Variants in MOBP observed in about 807,000 individuals in gnomAD.
MOBP encodes the protein myelin associated oligodendrocyte basic protein.
A neutral mutation model predicts 15.0 loss-of-function variants in MOBP; 5 were observed. The ratio of observed to expected loss-of-function variants is 0.33; its 90% CI spans 0.17 to 0.70. The LOEUF (loss-of-function observed/expected upper bound fraction) is 0.70. Among genes scored for constraint, MOBP ranks in the 30% least tolerant of loss-of-function variants. The pLI, the probability that MOBP is intolerant of heterozygous loss-of-function variation, is 0.67. For synonymous variants in MOBP, 88 were observed against 99.0 expected (o/e 0.89, Z 0.66); for missense variants, 188 against 257.8 (o/e 0.73, Z 1.85).
intron 2 of MOBP, among the ~76,000 whole-genome samples, chr3:39,491,795 G>C (rs953536387): frequency 5.3e-5 from 8 of 152,212 alleles, no homozygotes; most frequent in African/African-American, 1.2e-4. Context: ...AAGCAAGAGA[G>C]AGAGAGGAAG....
chr3:39,471,065 G>T (rs2042462572), intron 1 of MOBP, among the ~76,000 whole-genome samples: 1 of 151,998 alleles, frequency 6.6e-6, no homozygotes, highest in Non-Finnish European at 1.5e-5. Flanking sequence ...ATCAACCCAT[G>T]CATTAAATGT....
At position 39,502,179 on chromosome 3, in the gene MOBP, A is replaced by G; in HGVS notation, c.110A>G (p.Lys37Arg). The G allele has an allele frequency of 6.2e-7, 1 of 1,614,220 alleles. No homozygotes were observed. Among genetic ancestry groups the G allele is most frequent in the Non-Finnish European group, 8.5e-7 (1 of 1,180,038 alleles). The change falls in exon 3 of 4, where the codon AAG becomes AGG. Residue 37 changes from lysine to arginine, a missense_variant. Physicochemically the swap from Lys to Arg is conservative, Grantham distance 26. Coordinates refer to ENST00000684792, the MANE Select transcript of MOBP (RefSeq NM_001393704.1). This position sits in a 1 kb window ranked among gnomAD's most constrained non-coding sequence, Gnocchi z 6.3. Reference protein sequence around the residue: ...CPPFTFLNSKKEIVDRKYSIC... With the variant: ...CPPFTFLNSKREIVDRKYSIC... Reference sequence around the variant, plus strand: ...CCGTTCACCTTCCTCAATTCCAAGAAGGAGATAGTGGATCGGAAATACAGC... The same window carrying G: ...CCGTTCACCTTCCTCAATTCCAAGAGGGAGATAGTGGATCGGAAATACAGC...
At chr3:39,519,823 G>A (rs1575324594), downstream of MOBP, among the ~76,000 whole-genome samples, 1 of 152,250 alleles carries the variant, frequency 6.6e-6, no homozygotes, top group East Asian at 1.9e-4. Flanking sequence ...GGCAGAAAGA[G>A]ACCACAGCCT....
downstream of MOBP, chr3:39,526,013 TC>T (rs566750341): frequency 2.3e-3 from 343 of 152,426 alleles, no homozygotes; most frequent in Non-Finnish European, 4.0e-3. Flanking sequence ...GCCATTACAT[TC>T]CTGGGAATAA....
chr3:39,512,335 A>G lies in MOBP; in HGVS notation c.*-1048A>G, dbSNP rs924068830. ...TCAGCACCTGGGTTTTATATTCAGC[A>G]GTATCTATGGGGAGTTCGAAAACAT... On this transcript the variant is annotated intron_variant, in intron 4 of 4. Coordinates refer to the MOBP transcript ENST00000311042. 8.4e-4 allele frequency among the ~76,000 whole-genome samples: 128 copies of G among 152,206 alleles called. 1 individual carries two copies. The highest frequency in any genetic ancestry group is 2.7e-3 in the African/African-American group (110 of 41,456).
chr3:39,502,546 G>T lies in MOBP; in HGVS notation c.218G>T (p.Arg73Leu), dbSNP rs1157905871. Residue 73 changes from arginine to leucine, a missense_variant, in exon 4 of 4, where the codon CGT becomes CTT. Coordinates refer to ENST00000684792, the MANE Select transcript of MOBP (RefSeq NM_001393704.1). The surrounding 1 kb of genome is among the most constrained non-coding windows in gnomAD (Gnocchi z 6.3). ...CACQKTRTSRRAKSPQRPKQQ... is the reference protein window; with the variant it reads ...CACQKTRTSRLAKSPQRPKQQ... ...TTTGGCCCTCTCAGAACCAGCCGCC[G>T]TGCCAAGTCCCCTCAGAGGCCCAAG... 1 of 1,579,502 alleles carries T rather than the reference G, an allele frequency of 6.3e-7. No homozygotes were observed. The highest frequency in any genetic ancestry group is 2.3e-5 in the East Asian group (1 of 43,746).
chr3:39,508,067 C>G (rs909355889), intron 4 of MOBP, among the ~76,000 whole-genome samples: 1 of 152,176 alleles, frequency 6.6e-6, no homozygotes, highest in African/African-American at 2.4e-5. Context: ...CACTGGAGAA[C>G]AGCACACAGC....
chr3:39,475,027 A>G (rs2042526196), intron 1 of MOBP, among the ~76,000 whole-genome samples: 1 of 152,230 alleles, frequency 6.6e-6, no homozygotes, highest in Non-Finnish European at 1.5e-5. Flanking sequence ...TCTGTCAGGT[A>G]CTAATCCAGG....
intron 2 of MOBP, among the ~76,000 whole-genome samples, chr3:39,487,518 CTTTTTTTTTTTTTTT>C (rs1216386382): frequency 9.8e-6 from 1 of 102,498 alleles, no homozygotes; most frequent in South Asian, 3.3e-4. Flanking sequence ...AATTTTCTTT[CTTTTTTTTTTTTTTT>C]TTTTTTTTGA....
downstream of MOBP, chr3:39,525,717 G>T (rs112096876): frequency 0.011 from 1,673 of 152,922 alleles, 14 homozygotes; most frequent in African/African-American, 0.02. Flanking sequence ...GAGTATGAAG[G>T]AAGAGTGATA....
exon 5 of MOBP, chr3:39,513,846 T>C (rs991041962): frequency 1.7e-5 from 3 of 174,754 alleles, no homozygotes; most frequent in African/African-American, 7.1e-5. Context: ...GCTCAACTTT[T>C]AATTTTTGAC....
intron 3 of MOBP, among the ~76,000 whole-genome samples, chr3:39,521,487 C>G (rs2043266245): frequency 6.6e-6 from 1 of 152,178 alleles, no homozygotes; most frequent in Admixed American, 6.5e-5. Context: ...TTTTGCTCTT[C>G]ACTCTTAATG....
chr3:39,502,488 AGAG>A lies in MOBP; in HGVS notation c.207-43_207-41del, dbSNP rs778528919. ...CTCCTGCCAGCGTCGCTTAAGCAGC[AGAG>A]GAGAGCCCTGGCTCCCGCCTCCAGC... is the stretch of plus-strand genomic sequence containing the variant. On this transcript the variant is annotated intron_variant, in intron 3 of 3. Coordinates refer to ENST00000684792, the MANE Select transcript of MOBP (RefSeq NM_001393704.1). The surrounding 1 kb of genome is among the most constrained non-coding windows in gnomAD (Gnocchi z 6.3). 1.4e-5 allele frequency: 22 copies of A among 1,546,946 alleles called. No individual in the cohort carries two copies. The African/African-American group carries it at 2.6e-4, about 18-fold the overall frequency.
At chr3:39,513,274 C>A in intron 4 of MOBP, 1 of 920,316 alleles carries the variant, frequency 1.1e-6, no homozygotes, top group Non-Finnish European at 1.6e-6. Context: ...AGAATAACCT[C>A]AAAGGTAGTC....
intron 2 of MOBP, among the ~76,000 whole-genome samples, chr3:39,490,959 A>G (rs923167340): frequency 5.3e-5 from 8 of 152,196 alleles, no homozygotes; most frequent in African/African-American, 1.9e-4. Flanking sequence ...ATTAGGAAAA[A>G]GGAAAGGGAA....
intron 2 of MOBP, among the ~76,000 whole-genome samples, chr3:39,488,214 T>C (rs2042744706): frequency 6.6e-6 from 1 of 152,228 alleles, no homozygotes; most frequent in Non-Finnish European, 1.5e-5. Context: ...CTCATTTTTA[T>C]GTCAAATACA....
chr3:39,520,344 CTTACTA>C (rs2043250400), downstream of MOBP, among the ~76,000 whole-genome samples: 1 of 152,194 alleles, frequency 6.6e-6, no homozygotes, highest in South Asian at 2.1e-4. Flanking sequence ...ACAATTTTAA[CTTACTA>C]TTGCTTGCAT....
In MOBP at chr3:39,502,352, C is replaced by T. The variant is rs1326510663; in HGVS notation, c.206+77C>T. On this transcript the variant is annotated intron_variant, in intron 3 of 3. Transcript: ENST00000684792. This position sits in a 1 kb window ranked among gnomAD's most constrained non-coding sequence, Gnocchi z 6.3. ...GGCTCCCAGCACGCCCCTCCCGCTC[C>T]GCACCCCACTCTTCCCCCTAGTCGG... 12 of 1,593,082 alleles carry T rather than the reference C, an allele frequency of 7.5e-6. No homozygotes were observed. In the Admixed American group the frequency reaches 1.8e-4, roughly 23 times the overall value.
chr3:39,496,490 C>T (rs1486545787), intron 2 of MOBP, among the ~76,000 whole-genome samples: 3 of 151,172 alleles, frequency 2.0e-5, no homozygotes, highest in Non-Finnish European at 2.9e-5. Context: ...TGAGCCACCA[C>T]GCCTGGCTTC....
Sources: gnomAD v4.1 joint callset for allele counts (sites outside exome capture counted in the v4.1 genomes callset) on GRCh38, gnomAD v4.1.1 for gene constraint, Gnocchi (gnomAD v3.1) non-coding constraint, MANE v1.5 for transcripts, NCBI Gene and HGNC (gene_info 2026-07-23, HGNC 2026-07-21) for gene names.